Variants in PSMA1 observed in about 807,000 individuals in gnomAD.
The protein encoded by PSMA1 is proteasome subunit alpha type-1.
A neutral mutation model predicts 38.4 loss-of-function variants in PSMA1; 3 were observed. The observed-to-expected ratio is 0.08, with a 90% confidence interval of 0.04 to 0.20. The LOEUF (loss-of-function observed/expected upper bound fraction) is 0.20, where lower values mean the gene tolerates loss of function less well. Ranked by LOEUF, PSMA1 falls within the 10% of genes least tolerant of loss-of-function variation. The pLI, the probability that PSMA1 is intolerant of heterozygous loss-of-function variation, is 1.00. For missense variants in PSMA1, 227 were observed against 325.3 expected, an observed-to-expected ratio of 0.70 and a Z score of 2.32; for synonymous variants, 101 against 107.1, an observed-to-expected ratio of 0.94 and a Z score of 0.35.
Position 14,517,974 on chromosome 11 carries a change from A to G in PSMA1, c.56T>C (p.Ile19Thr). ...TTCCATTGCATATTCAATTTGATGA[A>G]TCCTGCCCTAAAGAAAAAAAAAACA... is the stretch of plus-strand genomic sequence containing the variant. Reference protein sequence around the residue: ...DVTVWSPQGRIHQIEYAMEAV... With the variant: ...DVTVWSPQGRTHQIEYAMEAV... Residue 19 changes from isoleucine (I) to threonine (T), a missense_variant, in exon 3 of 10, where the codon ATT (isoleucine) becomes ACT (threonine). Ile to Thr is a moderately conservative substitution (Grantham distance 89, BLOSUM62 -1). Transcript: ENST00000396394. 1 of 1,586,430 alleles carries G rather than the reference A, an allele frequency of 6.3e-7. No homozygotes were observed. Among genetic ancestry groups the G allele is most frequent in the Non-Finnish European group, 8.5e-7 (1 of 1,169,712 alleles).
At chr11:14,622,685 G>C (rs12420146) in intron 1 of PSMA1, among the ~76,000 whole-genome samples, 3 of 152,042 alleles carry the variant, frequency 2.0e-5, no homozygotes, top group Admixed American at 1.3e-4. Flanking sequence ...TTCTGGAGGC[G>C]GCGTATTCCA....
intron 4 of PSMA1, among the ~76,000 whole-genome samples, chr11:14,516,109 C>T (rs1851422150): frequency 6.6e-6 from 1 of 151,544 alleles, no homozygotes; most frequent in South Asian, 2.1e-4. Flanking sequence ...ACTCGGGAGG[C>T]TGAGGCAGAA....
chr11:14,528,722 G>T (rs1221613343), intron 2 of PSMA1, among the ~76,000 whole-genome samples: 1 of 152,308 alleles, frequency 6.6e-6, no homozygotes, highest in African/African-American at 2.4e-5. Flanking sequence ...ATCCACAAAA[G>T]AAGTGAAAAT....
intron 2 of PSMA1, among the ~76,000 whole-genome samples, chr11:14,595,989 T>C (rs1455462110): frequency 1.3e-5 from 2 of 152,226 alleles, no homozygotes; most frequent in Admixed American, 6.5e-5. Flanking sequence ...GCACCATTTA[T>C]GAAATAGAGA....
At chr11:14,616,938 C>T (rs10832284) in intron 1 of PSMA1, among the ~76,000 whole-genome samples, 1 of 152,062 alleles carries the variant, frequency 6.6e-6, no homozygotes, top group Non-Finnish European at 1.5e-5. Flanking sequence ...TGGAGAATGT[C>T]GTTTGTATCT....
rs1162243921 is a variant in PSMA1 at position 14,534,905 on chromosome 11, G to A, written c.22-15864C>T. On this transcript the variant is annotated intron_variant, in intron 2 of 10. Transcript: ENST00000418988. This position sits in a 1 kb window ranked among gnomAD's most constrained non-coding sequence, Gnocchi z 4.5. ...AGCCTGGCCAACATGGCAAAACCCC[G>A]TCTCTACTAAAAATACAAAATTAGC... is the stretch of plus-strand genomic sequence containing the variant. Among the ~76,000 whole-genome samples the A allele has an allele frequency of 4.6e-5, 7 of 151,954 alleles. No individual in the cohort carries two copies. In the East Asian group the frequency reaches 5.8e-4, roughly 13 times the overall value.
chr11:14,562,658 T>G (rs1306868445), intron 2 of PSMA1, among the ~76,000 whole-genome samples: 4 of 151,704 alleles, frequency 2.6e-5, no homozygotes, highest in Non-Finnish European at 5.9e-5. Flanking sequence ...AGGGTCTCAC[T>G]CTGCCACCCA....
At chr11:14,615,861 C>G (rs983131528) in intron 1 of PSMA1, among the ~76,000 whole-genome samples, 1 of 152,132 alleles carries the variant, frequency 6.6e-6, no homozygotes, top group Non-Finnish European at 1.5e-5. Flanking sequence ...ATCATTGTGA[C>G]TAGGTGGGAA....
chr11:14,530,004 T>C (rs1851628662), intron 2 of PSMA1, among the ~76,000 whole-genome samples: 1 of 152,208 alleles, frequency 6.6e-6, no homozygotes, highest in South Asian at 2.1e-4. Context: ...TTTTATCTAT[T>C]TTGCTCACCA....
chr11:14,633,909 C>T (rs375402645), intron 1 of PSMA1, among the ~76,000 whole-genome samples: 3 of 152,136 alleles, frequency 2.0e-5, no homozygotes, highest in African/African-American at 4.8e-5. Flanking sequence ...TTCCAGGTGC[C>T]GTCTGTCACC....
At position 14,614,379 on chromosome 11, in the gene PSMA1, A is replaced by G. The variant is rs1027651569; in HGVS notation, c.-165-3228T>C. On this transcript the variant is annotated intron_variant, in intron 1 of 10. Coordinates refer to the PSMA1 transcript ENST00000418988. ...ACAGAGGTTGAGAAAAATTTGGTGAATATGTTTCATATAAGCTGAAAAAAA... is the reference window on the plus strand; with the variant it reads ...ACAGAGGTTGAGAAAAATTTGGTGAGTATGTTTCATATAAGCTGAAAAAAA... Among the ~76,000 whole-genome samples the G allele has an allele frequency of 2.6e-5, 4 of 151,910 alleles. No individual in the cohort carries two copies. In the East Asian group the frequency reaches 5.8e-4, roughly 22 times the overall value.
At chr11:14,603,625 AAAT>A (rs1466150556) in intron 2 of PSMA1, among the ~76,000 whole-genome samples, 3 of 152,260 alleles carry the variant, frequency 2.0e-5, no homozygotes, top group Non-Finnish European at 2.9e-5. Flanking sequence ...ACTAAACATC[AAAT>A]ATTCCTAGCT....
intron 2 of PSMA1, among the ~76,000 whole-genome samples, chr11:14,579,900 C>A (rs1409157411): frequency 6.6e-6 from 1 of 152,124 alleles, no homozygotes; most frequent in Non-Finnish European, 1.5e-5. Flanking sequence ...GAGGAAATGC[C>A]ATTCCCAGGC....
intron 1 of PSMA1, among the ~76,000 whole-genome samples, chr11:14,616,732 G>C (rs1852778368): frequency 6.6e-6 from 1 of 152,136 alleles, no homozygotes. Context: ...CCTGTGAGTA[G>C]ATACTATTAG....
In PSMA1 at chr11:14,607,628, T is replaced by C. The variant is rs191707046; in HGVS notation, c.21+3338A>G. On this transcript the variant is annotated intron_variant, in intron 2 of 10. Transcript: ENST00000418988. ...GAAAGGATGAGAAATGGAAGAGATT[T>C]ATTGGCAGGGGGAGCAGGTGAAGGC... Among the ~76,000 whole-genome samples, 505 of 152,188 alleles carry C rather than the reference T, an allele frequency of 3.3e-3. 2 individuals are homozygous for C. The highest frequency in any genetic ancestry group is 6.8e-3 in the Middle Eastern group (2 of 294).
At chr11:14,518,100 G>A in intron 2 of PSMA1, 119 bp from the exon 3 acceptor site, 2 of 716,160 alleles carry the variant, frequency 2.8e-6, no homozygotes, top group Non-Finnish European at 2.2e-6. Flanking sequence ...TTTTAATCAA[G>A]AGACCTTTTT....
chr11:14,633,449 C>T (rs372575124), intron 1 of PSMA1, among the ~76,000 whole-genome samples: 5 of 151,890 alleles, frequency 3.3e-5, no homozygotes, highest in South Asian at 2.1e-4. Flanking sequence ...TTAGGCTGCT[C>T]GGGGGTCAGG....
chr11:14,584,733 C>A (rs1047857033), intron 2 of PSMA1, among the ~76,000 whole-genome samples: 3 of 152,096 alleles, frequency 2.0e-5, no homozygotes, highest in Admixed American at 6.5e-5. Flanking sequence ...CTTTTAGTCC[C>A]GCAGTTTTCC....
chr11:14,558,928 T>G (rs1245385234), intron 2 of PSMA1, among the ~76,000 whole-genome samples: 1 of 152,206 alleles, frequency 6.6e-6, no homozygotes, highest in Non-Finnish European at 1.5e-5. Flanking sequence ...AAACTCTCCA[T>G]CCAAGGGCAT....
Sources: allele counts gnomAD v4.1 joint callset (sites outside exome capture counted in the v4.1 genomes callset), GRCh38; gene constraint gnomAD v4.1.1; non-coding constraint Gnocchi (gnomAD v3.1); transcripts MANE v1.5; gene names NCBI Gene and HGNC (gene_info 2026-07-23, HGNC 2026-07-21).